The following SMARCA2 variants were observed in gnomAD, a reference collection of about 807,000 sequenced individuals.
The protein encoded by SMARCA2 is SWI/SNF related BAF chromatin remodeling complex subunit ATPase 2.
SMARCA2 carries 61 observed loss-of-function variants against 199.8 expected under a neutral mutation model. That is an observed-to-expected ratio of 0.31 (90% CI 0.25 to 0.38). The LOEUF is 0.38. Ranked by LOEUF, SMARCA2 falls within the 10% of genes least tolerant of loss-of-function variation. SMARCA2 has a pLI of 1.00. For missense variants in SMARCA2, 1,344 were observed against 2,012.2 expected (o/e 0.67, Z 6.35); for synonymous variants, 935 against 732.0 (o/e 1.28, Z -4.48).
intron 27 of SMARCA2, among the ~76,000 whole-genome samples, chr9:2,139,999 G>T (rs1242727187): frequency 1.3e-5 from 2 of 152,220 alleles, no homozygotes; most frequent in Admixed American, 6.5e-5. Context: ...ACTAAGGACA[G>T]CTTGGCAGTC....
chr9:2,095,216 G>C (rs984461316), intron 19 of SMARCA2, among the ~76,000 whole-genome samples: 1 of 151,810 alleles, frequency 6.6e-6, no homozygotes. Flanking sequence ...TTCCTGAGTA[G>C]CTGGGACTAC....
At chr9:2,120,449 G>A (rs1204588781) in intron 26 of SMARCA2, among the ~76,000 whole-genome samples, 1 of 152,170 alleles carries the variant, frequency 6.6e-6, no homozygotes, top group Non-Finnish European at 1.5e-5. Flanking sequence ...AAGTCTAGGT[G>A]TTTATATGTG....
At chr9:2,029,732 T>C (rs1818980189) in intron 2 of SMARCA2, among the ~76,000 whole-genome samples, 1 of 152,248 alleles carries the variant, frequency 6.6e-6, no homozygotes, top group African/African-American at 2.4e-5. Flanking sequence ...TTAAATAGTT[T>C]CTAGGGAATC....
At position 2,150,966 on chromosome 9, in the gene SMARCA2, C is replaced by G. The variant is rs553250269; in HGVS notation, c.3982-10720C>G. Among the ~76,000 whole-genome samples, 5 of 151,664 alleles carry G rather than the reference C, an allele frequency of 3.3e-5. No individual in the cohort carries two copies. In the East Asian group the frequency reaches 9.7e-4, roughly 29 times the overall value. ...TTTTAACTCTTTAAAAGCCCTATCT[C>G]AAAATACAGTCACAATCTAAAGTCT... On this transcript the variant is annotated intron_variant, in intron 27 of 33. Transcript: ENST00000349721.
chr9:2,166,809 T>C (rs1446112374), intron 28 of SMARCA2, among the ~76,000 whole-genome samples: 9 of 152,176 alleles, frequency 5.9e-5, no homozygotes, highest in Admixed American at 5.9e-4. Context: ...CATGCTCTCA[T>C]GTCACCCACA....
chr9:2,118,731 A>G (rs1178109932), intron 25 of SMARCA2, among the ~76,000 whole-genome samples: 1 of 152,244 alleles, frequency 6.6e-6, no homozygotes. Flanking sequence ...GAATTAGCAG[A>G]GAGATAATGT....
At chr9:2,052,648 C>T (rs946330567) in intron 5 of SMARCA2, among the ~76,000 whole-genome samples, 2 of 152,174 alleles carry the variant, frequency 1.3e-5, no homozygotes, top group African/African-American at 4.8e-5. Context: ...GTTTTCCTTA[C>T]CACCATTTTT....
chr9:2,190,480 T>TA (rs1419991616), intron 32 of SMARCA2, among the ~76,000 whole-genome samples: 2 of 152,348 alleles, frequency 1.3e-5, no homozygotes, highest in Admixed American at 6.5e-5. Flanking sequence ...ATATCCCACA[T>TA]ATGTGAGTAA....
At chr9:2,080,283 C>A (rs998829839) in intron 14 of SMARCA2, 3 of 152,166 alleles carry the variant, frequency 2.0e-5, no homozygotes, top group Admixed American at 2.0e-4. Flanking sequence ...AATATCTAAT[C>A]CTCCCCCTGG....
intron 27 of SMARCA2, among the ~76,000 whole-genome samples, chr9:2,154,628 C>G (rs955618056): frequency 6.6e-6 from 1 of 152,156 alleles, no homozygotes; most frequent in Non-Finnish European, 1.5e-5. Flanking sequence ...GACGGCCTAT[C>G]CCAGGGAAGC....
chr9:2,076,509 T>C (rs1821330351), intron 13 of SMARCA2, among the ~76,000 whole-genome samples, 180 bp downstream of exon 13: 1 of 151,292 alleles, frequency 6.6e-6, no homozygotes, highest in South Asian at 2.1e-4. Flanking sequence ...TTCGTGTTGA[T>C]TCTCCATCCC....
intron 2 of SMARCA2, among the ~76,000 whole-genome samples, chr9:2,030,192 A>G (rs1404185368): frequency 6.6e-6 from 1 of 152,220 alleles, no homozygotes; most frequent in Non-Finnish European, 1.5e-5. Flanking sequence ...AATAGGAGAT[A>G]GAGATATATG....
chr9:2,120,312 T>C (rs1170472295), intron 26 of SMARCA2, among the ~76,000 whole-genome samples: 3 of 152,210 alleles, frequency 2.0e-5, no homozygotes, highest in Non-Finnish European at 2.9e-5. Context: ...ATGAGTAATT[T>C]GCATGTGTGA....
chr9:2,083,751 C>G lies in SMARCA2; in HGVS notation c.2416-335C>G, dbSNP rs944830886. 4.6e-5 allele frequency among the ~76,000 whole-genome samples: 7 copies of G among 152,368 alleles called. 1 individual carries two copies. The highest frequency in any genetic ancestry group is 2.0e-4 in the Admixed American group (3 of 15,302). On this transcript the variant is annotated intron_variant, in intron 16 of 33. Coordinates refer to ENST00000349721, the MANE Select transcript of SMARCA2 (RefSeq NM_003070.5). The stretch of plus-strand genomic sequence containing the variant: ...TGTTCCTGCAAAGTCAGGCAATTAC[C>G]CGGATGCCCGGGGCTGCCTGCTGTA...
intron 31 of SMARCA2, 104 bp from the exon 32 acceptor site, chr9:2,185,992 C>T (rs1827420711): frequency 8.7e-7 from 1 of 1,143,642 alleles, no homozygotes; most frequent in Non-Finnish European, 1.3e-6. Context: ...GGTGACATTT[C>T]TACTAAAATT....
intron 9 of SMARCA2, among the ~76,000 whole-genome samples, chr9:2,069,750 T>C (rs1171093404): frequency 1.3e-5 from 2 of 152,202 alleles, no homozygotes; most frequent in African/African-American, 4.8e-5. Flanking sequence ...TCATAGCTTA[T>C]TCTTTTTTTT....
At position 2,176,188 on chromosome 9, in the gene SMARCA2, T is replaced by TTTTTTTTTG. The variant is rs1826586894; in HGVS notation, c.4254-5375_4254-5374insGTTTTTTTT. ...GAGCCACCGCGCCCGGCCTGTTTTT[T>TTTTTTTTTG]TTTTTTTTTTTTTTTATAATGACGT... On this transcript the variant is annotated intron_variant, in intron 29 of 33. Coordinates refer to ENST00000349721, the MANE Select transcript of SMARCA2 (RefSeq NM_003070.5). 5.9e-5 allele frequency among the ~76,000 whole-genome samples: 8 copies of TTTTTTTTTG among 135,632 alleles called. 1 individual carries two copies. The highest frequency in any genetic ancestry group is 2.7e-4 in the African/African-American group (8 of 29,446). 89.0% of individuals were successfully genotyped at this position (135,632 alleles called of 152,430 possible). A position where few individuals can be genotyped will look rare whatever the true frequency, so the allele number is the denominator to read the frequency against.
At position 2,119,406 on chromosome 9, in the gene SMARCA2, G is replaced by A. The variant is rs542179696; in HGVS notation, c.3685-52G>A. The A allele has an allele frequency of 9.0e-6, 11 of 1,228,264 alleles. No homozygotes were observed. The highest frequency in any genetic ancestry group is 3.4e-5 in the Admixed American group (2 of 59,390). The allele number at this position is 1,228,264 out of a possible 1,614,324, so 76.1% of individuals were successfully genotyped here. On this transcript the variant is annotated intron_variant, in intron 25 of 33. Transcript: ENST00000349721. The surrounding 1 kb of genome is among the most constrained non-coding windows in gnomAD (Gnocchi z 4.6). Reference sequence around the variant, plus strand: ...TGGAGGACAGATCACTTACTTGTTTGTACCTTGCCCCAGCTGTCCACTGGT... The same window carrying A: ...TGGAGGACAGATCACTTACTTGTTTATACCTTGCCCCAGCTGTCCACTGGT...
intron 27 of SMARCA2, among the ~76,000 whole-genome samples, chr9:2,146,950 C>T (rs999529903): frequency 6.6e-6 from 1 of 152,158 alleles, no homozygotes. Flanking sequence ...CCATCTCATC[C>T]TGTGACTGAC....
Sources: gnomAD v4.1 joint callset for allele counts (sites outside exome capture counted in the v4.1 genomes callset) on GRCh38, gnomAD v4.1.1 for gene constraint, Gnocchi (gnomAD v3.1) non-coding constraint, MANE v1.5 for transcripts, NCBI Gene and HGNC (gene_info 2026-07-23, HGNC 2026-07-21) for gene names.